Variants in ADAM12 observed in about 807,000 individuals in gnomAD.
The protein encoded by ADAM12 is ADAM metallopeptidase domain 12, also known as disintegrin and metalloproteinase domain-containing protein 12.
In ADAM12, 70 loss-of-function variants were observed where a neutral mutation model predicts 106.4. The observed-to-expected ratio is 0.66, with a 90% CI of 0.54 to 0.80. The LOEUF is 0.80. Among genes scored for constraint, ADAM12 ranks in the 30% least tolerant of loss-of-function variants. ADAM12 has a pLI of 0.00. For missense variants in ADAM12, 1,010 were observed against 1,171.9 expected (o/e 0.86, Z 2.02); for synonymous variants, 420 against 433.5 (o/e 0.97, Z 0.39).
At chr10:126,260,001 G>T (rs1958968564) in intron 3 of ADAM12, among the ~76,000 whole-genome samples, 1 of 152,232 alleles carries the variant, frequency 6.6e-6, no homozygotes, top group Non-Finnish European at 1.5e-5. Context: ...GATGTGCAAA[G>T]CTGGGATGAT....
At chr10:126,034,465 A>T (rs922317702) in intron 21 of ADAM12, among the ~76,000 whole-genome samples, 2 of 152,244 alleles carry the variant, frequency 1.3e-5, no homozygotes, top group Non-Finnish European at 2.9e-5. Context: ...AGATAAATCA[A>T]TATGGAATAC....
intron 1 of ADAM12, among the ~76,000 whole-genome samples, chr10:126,348,034 T>A (rs1474078581): frequency 6.6e-6 from 1 of 152,140 alleles, no homozygotes; most frequent in African/African-American, 2.4e-5. Flanking sequence ...ACCTTTGGAG[T>A]ACAGGGTGCT....
intron 3 of ADAM12, among the ~76,000 whole-genome samples, chr10:126,188,428 C>T (rs1172023028): frequency 6.6e-6 from 1 of 152,186 alleles, no homozygotes; most frequent in Non-Finnish European, 1.5e-5. Context: ...CTTTTCCAAC[C>T]TCACTGAGTG....
chr10:126,183,283 T>C (rs1416894254), intron 3 of ADAM12, among the ~76,000 whole-genome samples: 1 of 152,198 alleles, frequency 6.6e-6, no homozygotes, highest in Non-Finnish European at 1.5e-5. Context: ...GCATAATAAA[T>C]GTAATAAGCT....
chr10:126,317,790 GCT>G lies in ADAM12; in HGVS notation c.186+12620_186+12621del, dbSNP rs1853938473. 2.0e-5 allele frequency among the ~76,000 whole-genome samples: 3 copies of G among 151,886 alleles called. No individual in the cohort carries two copies. The South Asian group carries it at 6.2e-4, about 31-fold the overall frequency. ...TTATTATTTTTTGAGATGGAGTTTT[GCT>G]CTGTCACCCATACTGGAGTGCAGTG... is the stretch of plus-strand genomic sequence containing the variant. On this transcript the variant is annotated intron_variant, in intron 2 of 22. Transcript: ENST00000448723.
At chr10:126,196,920 C>T (rs1336153792) in intron 3 of ADAM12, among the ~76,000 whole-genome samples, 2 of 152,136 alleles carry the variant, frequency 1.3e-5, no homozygotes, top group East Asian at 1.9e-4. Context: ...TGTCGTTTGG[C>T]TTCAGTGGGA....
At chr10:126,027,518 C>T (rs543452679) in intron 21 of ADAM12, among the ~76,000 whole-genome samples, 1 of 152,276 alleles carries the variant, frequency 6.6e-6, no homozygotes, top group Non-Finnish European at 1.5e-5. Context: ...AGCTTATCCA[C>T]CACAATCAAG....
chr10:126,169,571 G>A (rs1045354602), intron 3 of ADAM12, among the ~76,000 whole-genome samples: 46 of 151,944 alleles, frequency 3.0e-4, no homozygotes, highest in Admixed American at 3.0e-3. Flanking sequence ...AGGATATGAG[G>A]ACTTCTTTCT....
intron 1 of ADAM12, among the ~76,000 whole-genome samples, chr10:126,355,609 G>C (rs1181772951): frequency 6.6e-6 from 1 of 152,246 alleles, no homozygotes; most frequent in Non-Finnish European, 1.5e-5. Flanking sequence ...GTGCCACACA[G>C]AGAGGATGCC....
intron 3 of ADAM12, among the ~76,000 whole-genome samples, chr10:126,189,915 C>T (rs1957466599): frequency 6.6e-6 from 1 of 152,200 alleles, no homozygotes; most frequent in African/African-American, 2.4e-5. Context: ...CAGCTCATTT[C>T]ACTCTGTATC....
intron 1 of ADAM12, among the ~76,000 whole-genome samples, chr10:126,382,601 C>G (rs762531885): frequency 7.9e-5 from 12 of 152,188 alleles, no homozygotes; most frequent in Non-Finnish European, 1.5e-4. Flanking sequence ...GGACGTCTCT[C>G]AGCAAAATGA....
intron 3 of ADAM12, among the ~76,000 whole-genome samples, chr10:126,170,440 A>G (rs1308225861): frequency 2.9e-5 from 4 of 139,106 alleles, no homozygotes; most frequent in Non-Finnish European, 4.6e-5. Flanking sequence ...AAAAAAAAAG[A>G]GGGCGGGGGG....
intron 3 of ADAM12, among the ~76,000 whole-genome samples, chr10:126,229,159 G>A (rs1027291812): frequency 1.3e-5 from 2 of 152,192 alleles, no homozygotes; most frequent in African/African-American, 4.8e-5. Context: ...CCCTTCCCAG[G>A]AGGCGGGCAG....
In ADAM12 at chr10:126,135,677, G is replaced by T. The variant is rs778579981; in HGVS notation, c.340-17C>A. Reference sequence around the variant, plus strand: ...ACAGTGACCCTAAAGGGGAGGAGGAGAGAATCCCATTTCAGTTATAACACA... The same window carrying T: ...ACAGTGACCCTAAAGGGGAGGAGGATAGAATCCCATTTCAGTTATAACACA... On this transcript the variant is annotated splice_polypyrimidine_tract_variant and intron_variant, in intron 4 of 22. Transcript: ENST00000448723. 7 of 1,606,520 alleles carry T rather than the reference G, an allele frequency of 4.4e-6. No individual in the cohort carries two copies. The highest frequency in any genetic ancestry group is 1.7e-5 in the Admixed American group (1 of 59,966).
intron 3 of ADAM12, among the ~76,000 whole-genome samples, chr10:126,246,258 G>T (rs1219480216): frequency 6.6e-6 from 1 of 152,136 alleles, no homozygotes; most frequent in Non-Finnish European, 1.5e-5. Context: ...TTGATCTGTG[G>T]ATGTAAAGTT....
chr10:126,284,955 TGGCAG>T (rs1421131587), intron 2 of ADAM12, among the ~76,000 whole-genome samples: 1 of 152,210 alleles, frequency 6.6e-6, no homozygotes, highest in Non-Finnish European at 1.5e-5. Flanking sequence ...CAGGGCTCAA[TGGCAG>T]GTTGGAAAAG....
At chr10:126,364,240 T>A (rs537318893) in intron 1 of ADAM12, among the ~76,000 whole-genome samples, 43 of 152,240 alleles carry the variant, frequency 2.8e-4, no homozygotes, top group African/African-American at 9.4e-4. Flanking sequence ...AATGGTGAAA[T>A]ATCAGGAGCC....
intron 3 of ADAM12, among the ~76,000 whole-genome samples, chr10:126,198,683 C>A (rs1208612026): frequency 6.6e-6 from 1 of 152,196 alleles, no homozygotes; most frequent in Non-Finnish European, 1.5e-5. Flanking sequence ...CGCATCCTTG[C>A]AAAGCAAATG....
chr10:126,063,356 C>T (rs560185987), intron 14 of ADAM12, among the ~76,000 whole-genome samples: 18 of 152,346 alleles, frequency 1.2e-4, no homozygotes, highest in African/African-American at 4.3e-4. Context: ...CCCAGCAGGA[C>T]CCAGCTCCGA....
Sources: allele counts gnomAD v4.1 joint callset (sites outside exome capture counted in the v4.1 genomes callset), GRCh38; gene constraint gnomAD v4.1.1; transcripts MANE v1.5; gene names NCBI Gene and HGNC (gene_info 2026-07-23, HGNC 2026-07-21).